TENM4: variants seen among roughly 807,000 people sequenced by gnomAD.
TENM4 encodes the protein teneurin transmembrane protein 4.
A neutral mutation model predicts 243.3 loss-of-function variants in TENM4; 82 were observed. The observed-to-expected ratio is 0.34, with a 90% confidence interval of 0.28 to 0.40. The LOEUF (loss-of-function observed/expected upper bound fraction) is 0.40, where lower values mean the gene tolerates loss of function less well. TENM4 is among the 10% of genes least tolerant of loss of function. TENM4 has a pLI of 1.00. For synonymous variants in TENM4, 1,412 were observed against 1,456.3 expected, an observed-to-expected ratio of 0.97 and a Z score of 0.69; for missense variants, 3,138 against 3,673.3, an observed-to-expected ratio of 0.85 and a Z score of 3.77.
Position 79,091,410 on chromosome 11 carries a change from T to TA in TENM4, c.-65-21402dup, listed in dbSNP as rs111587457. On this transcript the variant is annotated intron_variant, in intron 4 of 33. Coordinates refer to ENST00000278550, the MANE Select transcript of TENM4 (RefSeq NM_001098816.3). ...GACACCATTCTAGGTGTTGGAGATATAAAAAAAAATAAATCTCTCATCCTG... is the reference window on the plus strand; with the variant it reads ...GACACCATTCTAGGTGTTGGAGATATAAAAAAAAAATAAATCTCTCATCCTG... Among the ~76,000 whole-genome samples the TA allele has an allele frequency of 2.1e-3, 322 of 151,668 alleles. 5 individuals carry two copies. The highest frequency in any genetic ancestry group is 0.017 in the Middle Eastern group (5 of 294).
At chr11:79,058,806 G>A (rs1313508660) in intron 6 of TENM4, among the ~76,000 whole-genome samples, 1 of 152,148 alleles carries the variant, frequency 6.6e-6, no homozygotes, top group Non-Finnish European at 1.5e-5. Context: ...TTGGGAGCCT[G>A]GGGGCAAGCA....
At chr11:79,316,592 C>G (rs954885271) in intron 1 of TENM4, among the ~76,000 whole-genome samples, 1 of 152,172 alleles carries the variant, frequency 6.6e-6, no homozygotes, top group African/African-American at 2.4e-5. Flanking sequence ...TTACATCACC[C>G]TTAAAACAAG....
chr11:79,309,818 C>T (rs992339723), intron 1 of TENM4, among the ~76,000 whole-genome samples: 32 of 152,186 alleles, frequency 2.1e-4, no homozygotes, highest in Admixed American at 1.1e-3. Flanking sequence ...GTTTCCTCAC[C>T]TGAAGAAGCT....
intron 12 of TENM4, among the ~76,000 whole-genome samples, chr11:78,841,666 G>C (rs1214113224): frequency 1.3e-5 from 2 of 151,974 alleles, no homozygotes; most frequent in Non-Finnish European, 2.9e-5. Context: ...TTCCCCCCTG[G>C]CTCCTTTCCC....
chr11:78,862,786 G>A (rs1858855890), intron 10 of TENM4, among the ~76,000 whole-genome samples, 176 bp downstream of exon 10: 1 of 152,246 alleles, frequency 6.6e-6, no homozygotes, highest in Non-Finnish European at 1.5e-5. Flanking sequence ...AAGGAACTGC[G>A]ATGAAGACAC....
intron 7 of TENM4, among the ~76,000 whole-genome samples, chr11:78,901,918 TACAA>T (rs1208072189): frequency 6.6e-6 from 1 of 152,224 alleles, no homozygotes; most frequent in Non-Finnish European, 1.5e-5. Context: ...AGTAAAGTGG[TACAA>T]ACAATGTTCA....
intron 6 of TENM4, among the ~76,000 whole-genome samples, chr11:78,932,214 C>T (rs935509699): frequency 2.6e-5 from 4 of 152,230 alleles, no homozygotes; most frequent in Non-Finnish European, 5.9e-5. Context: ...AGTCCCAGAT[C>T]TTTGCAAAAC....
rs200297362 is a variant in TENM4, at chr11:79,227,690, C to CT, written c.-264-11782dup. On this transcript the variant is annotated intron_variant, in intron 2 of 33. Transcript: ENST00000278550. Reference sequence around the variant, plus strand: ...GTAGGTCCAGTCAGCTTGCATGGGACTTTTTTTGCTGTTGGTTGATAAACT... The same window carrying CT: ...GTAGGTCCAGTCAGCTTGCATGGGACTTTTTTTTGCTGTTGGTTGATAAACT... Among the ~76,000 whole-genome samples the CT allele has an allele frequency of 7.5e-3, 1,138 of 152,228 alleles. 15 individuals are homozygous for CT. The highest frequency in any genetic ancestry group is 0.019 in the African/African-American group (779 of 41,550).
intron 6 of TENM4, among the ~76,000 whole-genome samples, chr11:79,004,718 A>C (rs1035244936): frequency 6.6e-6 from 1 of 152,192 alleles, no homozygotes; most frequent in Non-Finnish European, 1.5e-5. Context: ...AACCAACTCC[A>C]AAGCTAGTAG....
At chr11:79,293,940 G>T (rs1331976888) in intron 2 of TENM4, among the ~76,000 whole-genome samples, 2 of 152,194 alleles carry the variant, frequency 1.3e-5, no homozygotes, top group Non-Finnish European at 2.9e-5. Flanking sequence ...GAGGTTCTGA[G>T]CTCTCCCAGG....
At chr11:79,193,362 A>G (rs1190515996) in intron 3 of TENM4, among the ~76,000 whole-genome samples, 1 of 152,194 alleles carries the variant, frequency 6.6e-6, no homozygotes, top group Non-Finnish European at 1.5e-5. Context: ...GCTGCCTCCC[A>G]TCAGGATGAC....
chr11:78,710,740 C>T (rs564585874), intron 26 of TENM4, among the ~76,000 whole-genome samples: 5 of 152,288 alleles, frequency 3.3e-5, no homozygotes, highest in Non-Finnish European at 5.9e-5. Flanking sequence ...ATCTTTTCTC[C>T]TCCCTGCTGC....
intron 7 of TENM4, among the ~76,000 whole-genome samples, chr11:78,891,961 TTCTG>T (rs1815852558): frequency 6.6e-6 from 1 of 152,196 alleles, no homozygotes; most frequent in South Asian, 2.1e-4. Flanking sequence ...TCCCTAGGGA[TTCTG>T]TCAGCAGGTT....
intron 2 of TENM4, among the ~76,000 whole-genome samples, chr11:79,257,039 A>G (rs1217963221): frequency 1.3e-5 from 2 of 152,222 alleles, no homozygotes; most frequent in East Asian, 3.9e-4. Context: ...TGTTGTGGAT[A>G]TGAGAGACAG....
intron 6 of TENM4, among the ~76,000 whole-genome samples, chr11:78,923,514 G>A (rs1856491192): frequency 6.6e-6 from 1 of 151,806 alleles, no homozygotes; most frequent in Admixed American, 6.6e-5. Flanking sequence ...AGAAGTTTCT[G>A]GAAAAAATTG....
intron 18 of TENM4, among the ~76,000 whole-genome samples, chr11:78,767,341 G>T (rs990585961): frequency 2.5e-4 from 38 of 152,208 alleles, no homozygotes; most frequent in African/African-American, 8.4e-4. Flanking sequence ...CAATTGCTTT[G>T]CAAACTGTAA....
At chr11:79,423,898 T>C (rs966398239) in intron 1 of TENM4, among the ~76,000 whole-genome samples, 2 of 152,184 alleles carry the variant, frequency 1.3e-5, no homozygotes, top group Non-Finnish European at 2.9e-5. Context: ...CGTCAAATGC[T>C]TCCCACTTTT....
chr11:79,294,467 C>T (rs1032690059), intron 2 of TENM4, among the ~76,000 whole-genome samples: 1 of 152,194 alleles, frequency 6.6e-6, no homozygotes, highest in African/African-American at 2.4e-5. Flanking sequence ...TCCACTAGCC[C>T]TTGAATAAGC....
At chr11:79,213,681 G>A (rs749197927) in intron 3 of TENM4, among the ~76,000 whole-genome samples, 19 of 152,314 alleles carry the variant, frequency 1.2e-4, no homozygotes, top group Non-Finnish European at 2.4e-4. Flanking sequence ...GAAAGCCCCC[G>A]GTGAGAGAGG....
Sources: gnomAD v4.1 joint callset for allele counts (sites outside exome capture counted in the v4.1 genomes callset) on GRCh38, gnomAD v4.1.1 for gene constraint, MANE v1.5 for transcripts, NCBI Gene and HGNC (gene_info 2026-07-23, HGNC 2026-07-21) for gene names.